The following PRPS2 variants were observed in gnomAD, a reference collection of about 807,000 sequenced individuals.
PRPS2 encodes the protein phosphoribosyl pyrophosphate synthetase 2.
For synonymous variants in PRPS2, 111 were observed against 115.3 expected (o/e 0.96, Z 0.24); for missense variants, 104 against 271.5 (o/e 0.38, Z 4.34).
chrX:12,820,841 C>A (rs1309786396), intron 6 of PRPS2, 38 bp downstream of exon 6: 39 of 1,184,191 alleles, frequency 3.3e-5, no homozygotes, highest in Non-Finnish European at 4.3e-5. Flanking sequence ...AGCAGCCAGG[C>A]ACCTACTTTA....
chrX:12,809,196 A>C, intron 2 of PRPS2, 38 bp from the exon 3 acceptor site: 1 of 1,134,814 alleles, frequency 8.8e-7, no homozygotes, highest in South Asian at 1.9e-5. Flanking sequence ...AACAGTATCC[A>C]TCTTTTCCTG....
intron 2 of PRPS2, among the ~76,000 whole-genome samples, chrX:12,803,201 G>A (rs2042578401): frequency 8.9e-6 from 1 of 112,374 alleles, no homozygotes; most frequent in African/African-American, 3.2e-5. Context: ...GTGACTGCCA[G>A]CCTTGAGGCC....
At chrX:12,794,252 A>AC (rs2042533138) in intron 1 of PRPS2, among the ~76,000 whole-genome samples, 1 of 111,862 alleles carries the variant, frequency 8.9e-6, no homozygotes, top group Non-Finnish European at 1.9e-5. Context: ...GGCTCACATG[A>AC]CTGAAGTTGT....
At chrX:12,806,462 G>C (rs972819071) in intron 2 of PRPS2, among the ~76,000 whole-genome samples, 1 of 112,346 alleles carries the variant, frequency 8.9e-6, no homozygotes, top group African/African-American at 3.2e-5. Flanking sequence ...TTTGGCTACT[G>C]TACCTTGACA....
At chrX:12,810,942 G>A (rs916957637) in intron 4 of PRPS2, among the ~76,000 whole-genome samples, 1 of 111,804 alleles carries the variant, frequency 8.9e-6, no homozygotes, top group Non-Finnish European at 1.9e-5. Context: ...TCTTTACCTC[G>A]GCCTTTGGTT....
chrX:12,812,027 G>A (rs911157500), intron 4 of PRPS2, among the ~76,000 whole-genome samples: 1 of 112,197 alleles, frequency 8.9e-6, no homozygotes, highest in African/African-American at 3.2e-5. Flanking sequence ...GGGCAGCGCT[G>A]TGTCACGTAG....
chrX:12,796,721 G>A (rs2042545592), intron 1 of PRPS2, among the ~76,000 whole-genome samples: 1 of 110,361 alleles, frequency 9.1e-6, no homozygotes, highest in Non-Finnish European at 1.9e-5. Flanking sequence ...AAAACCACAG[G>A]GCTTATGAGA....
chrX:12,818,273 C>A (rs768040944), intron 4 of PRPS2, among the ~76,000 whole-genome samples: 1 of 103,534 alleles, frequency 9.7e-6, no homozygotes, highest in Admixed American at 1.1e-4. Context: ...GAGGCCGAGG[C>A]AGGAGAATCA....
chrX:12,800,010 T>A (rs1366841760), intron 2 of PRPS2, among the ~76,000 whole-genome samples: 2 of 112,047 alleles, frequency 1.8e-5, no homozygotes, highest in Non-Finnish European at 3.8e-5. Flanking sequence ...TAGAAAAAAA[T>A]TGAAGAAAAT....
At chrX:12,798,861 A>G (rs1185897564) in intron 1 of PRPS2, among the ~76,000 whole-genome samples, 2 of 111,675 alleles carry the variant, frequency 1.8e-5, no homozygotes, top group Non-Finnish European at 3.8e-5. Flanking sequence ...CCAGCCCACA[A>G]TACAAACCCT....
At chrX:12,792,622 C>CTGA (rs1372846274) in intron 1 of PRPS2, among the ~76,000 whole-genome samples, 17 of 112,144 alleles carry the variant, frequency 1.5e-4, no homozygotes, top group Non-Finnish European at 2.8e-4. Context: ...TCCACAGTTA[C>CTGA]TGATAATTTT....
At chrX:12,821,618 T>A (rs2042676585) in intron 6 of PRPS2, among the ~76,000 whole-genome samples, 1 of 112,255 alleles carries the variant, frequency 8.9e-6, no homozygotes, top group African/African-American at 3.2e-5. Context: ...AAATTTGATG[T>A]TATATATGTA....
chrX:12,802,851 C>T (rs2042576870), intron 2 of PRPS2, among the ~76,000 whole-genome samples: 1 of 112,457 alleles, frequency 8.9e-6, no homozygotes, highest in Non-Finnish European at 1.9e-5. Flanking sequence ...AATTCCATGA[C>T]TTTCTGAGCT....
chrX:12,815,090 A>G (rs1451079562), intron 4 of PRPS2, among the ~76,000 whole-genome samples: 1 of 112,811 alleles, frequency 8.9e-6, no homozygotes, highest in Non-Finnish European at 1.9e-5. Context: ...TCTCCATGAT[A>G]TACAAGGAAA....
chrX:12,821,228 G>C (rs1200727128), intron 6 of PRPS2, among the ~76,000 whole-genome samples: 1 of 112,034 alleles, frequency 8.9e-6, no homozygotes, highest in African/African-American at 3.2e-5. Flanking sequence ...CGGACAAACA[G>C]ATGGCCAAAG....
In PRPS2 at chrX:12,823,541, A is replaced by G. The variant is rs1164413375; in HGVS notation, c.*745A>G. The G allele has an allele frequency of 2.7e-5, 3 of 111,567 alleles. No individual in the cohort carries two copies. The highest frequency in any genetic ancestry group is 3.8e-5 in the Non-Finnish European group (2 of 53,146). The allele number at this position is 111,567 out of a possible 1,213,427, so 9.2% of individuals were successfully genotyped here. ...CTGCATCCTAAAATTCCAAAATTAT[A>G]TTGAGCAATCGCCAAGGCCTAAAGC... On this transcript the variant is annotated 3_prime_UTR_variant, in exon 7 of 7. Transcript: ENST00000380668.
intron 1 of PRPS2, among the ~76,000 whole-genome samples, chrX:12,796,305 C>CT (rs2042543332): frequency 9.8e-6 from 1 of 102,384 alleles, no homozygotes; most frequent in Admixed American, 1.1e-4. Context: ...ACTGCAAGCT[C>CT]CGCCTCCCGG....
intron 1 of PRPS2, among the ~76,000 whole-genome samples, chrX:12,792,415 C>T (rs754945413): frequency 8.9e-6 from 1 of 112,092 alleles, no homozygotes; most frequent in Non-Finnish European, 1.9e-5. Context: ...TCTGCTGTGT[C>T]CAGCAACAAC....
At chrX:12,797,038 G>C (rs899805932) in intron 1 of PRPS2, among the ~76,000 whole-genome samples, 6 of 109,786 alleles carry the variant, frequency 5.5e-5, no homozygotes, top group African/African-American at 2.0e-4. Flanking sequence ...TATCAAAATG[G>C]TAAAACACTG....
Sources: allele counts gnomAD v4.1 joint callset (sites outside exome capture counted in the v4.1 genomes callset), GRCh38; gene constraint gnomAD v4.1.1; transcripts MANE v1.5; gene names NCBI Gene and HGNC (gene_info 2026-07-23, HGNC 2026-07-21).